SHISA9: variants seen among roughly 807,000 people sequenced by gnomAD.
The protein encoded by SHISA9 is shisa family member 9, also known as protein shisa-9.
In SHISA9, 13 loss-of-function variants were observed where a neutral mutation model predicts 38.0. The ratio of observed to expected loss-of-function variants is 0.34; its 90% CI spans 0.22 to 0.54. SHISA9 has a LOEUF of 0.54. Among genes scored for constraint, SHISA9 ranks in the 20% least tolerant of loss-of-function variants. The pLI, the probability that SHISA9 is intolerant of heterozygous loss-of-function variation, is 0.91. For synonymous variants in SHISA9, 275 were observed against 242.0 expected (o/e 1.14, Z -1.27); for missense variants, 538 against 575.8 (o/e 0.93, Z 0.67).
chr16:13,288,335 A>G, the SHISA9 span, among the ~76,000 whole-genome samples: 2 of 152,124 alleles, frequency 1.3e-5, no homozygotes, highest in Non-Finnish European at 2.9e-5. Context: ...GAGTGCTTGC[A>G]TGGTCAGGTT....
At chr16:13,432,103 C>A in the SHISA9 span, among the ~76,000 whole-genome samples, 1 of 152,172 alleles carries the variant, frequency 6.6e-6, no homozygotes, top group African/African-American at 2.4e-5. Flanking sequence ...AAAATAACCT[C>A]TCTTCATGTC....
chr16:13,513,985 A>G, the SHISA9 span, among the ~76,000 whole-genome samples: 2 of 146,084 alleles, frequency 1.4e-5, no homozygotes, highest in African/African-American at 5.0e-5. Flanking sequence ...ACCAGAATGT[A>G]AAGTAAAATA....
chr16:13,256,988 A>T, the SHISA9 span, among the ~76,000 whole-genome samples: 37 of 152,322 alleles, frequency 2.4e-4, no homozygotes, highest in Non-Finnish European at 5.1e-4. Flanking sequence ...ATGTTCATCT[A>T]TGCCAACCTC....
At chr16:13,542,867 T>C in the SHISA9 span, among the ~76,000 whole-genome samples, 17,117 of 152,246 alleles carry the variant, frequency 0.11, 1,068 homozygotes, top group Non-Finnish European at 0.15. Context: ...TTTCTGTCTC[T>C]TTCATCCCAC....
the SHISA9 span, among the ~76,000 whole-genome samples, chr16:13,266,228 T>C: frequency 6.6e-6 from 1 of 152,240 alleles, no homozygotes; most frequent in African/African-American, 2.4e-5. Context: ...TTTTAATGGT[T>C]AGCTGTTTCT....
At chr16:13,160,381 G>A (rs776079270) in intron 2 of SHISA9, among the ~76,000 whole-genome samples, 9 of 152,280 alleles carry the variant, frequency 5.9e-5, no homozygotes, top group Non-Finnish European at 1.0e-4. Context: ...CTGCTATTGT[G>A]TCTAGTATAT....
chr16:13,517,855 G>C, the SHISA9 span, among the ~76,000 whole-genome samples: 26 of 152,344 alleles, frequency 1.7e-4, no homozygotes, highest in Middle Eastern at 3.4e-3. Context: ...CTAATGGAAG[G>C]TTAGTGAGTG....
At chr16:13,055,710 C>T (rs779581191) in intron 2 of SHISA9, among the ~76,000 whole-genome samples, 1 of 152,210 alleles carries the variant, frequency 6.6e-6, no homozygotes, top group Non-Finnish European at 1.5e-5. Flanking sequence ...AGGCTGTGTG[C>T]CACCCAGGGA....
the SHISA9 span, among the ~76,000 whole-genome samples, chr16:13,264,380 C>G: frequency 6.6e-6 from 1 of 151,944 alleles, no homozygotes; most frequent in Non-Finnish European, 1.5e-5. Flanking sequence ...ACCATGTTGG[C>G]CAGTCTGGTC....
chr16:13,277,344 A>G, the SHISA9 span, among the ~76,000 whole-genome samples: 2 of 152,106 alleles, frequency 1.3e-5, no homozygotes, highest in African/African-American at 2.4e-5. Flanking sequence ...GAAATCAGGT[A>G]GTGTGATGCC....
the SHISA9 span, among the ~76,000 whole-genome samples, chr16:13,544,447 T>TCC: frequency 6.9e-6 from 1 of 144,212 alleles, no homozygotes; most frequent in Non-Finnish European, 1.5e-5. Flanking sequence ...TTTTTTTTTT[T>TCC]CCCCGCTGGA....
intron 2 of SHISA9, among the ~76,000 whole-genome samples, chr16:12,918,697 T>A (rs1355290736): frequency 6.6e-6 from 1 of 152,190 alleles, no homozygotes; most frequent in Non-Finnish European, 1.5e-5. Flanking sequence ...TCAGTGATCT[T>A]TTACATCAAG....
the SHISA9 span, among the ~76,000 whole-genome samples, chr16:13,533,192 CT>C: frequency 2.0e-5 from 3 of 152,186 alleles, no homozygotes; most frequent in Non-Finnish European, 4.4e-5. Context: ...CTCTTACTTT[CT>C]TCCCCACACA....
chr16:13,044,698 A>T (rs2073167431), intron 2 of SHISA9, among the ~76,000 whole-genome samples: 1 of 152,178 alleles, frequency 6.6e-6, no homozygotes, highest in South Asian at 2.1e-4. Context: ...CTCCGAGGTG[A>T]GAGGGCATCT....
chr16:13,163,201 A>G (rs1224611978), intron 2 of SHISA9, among the ~76,000 whole-genome samples: 2 of 152,198 alleles, frequency 1.3e-5, no homozygotes. Context: ...AAATGAGAAA[A>G]TGTATTTGAA....
intron 2 of SHISA9, among the ~76,000 whole-genome samples, chr16:12,944,819 A>G (rs1174799659): frequency 6.6e-6 from 1 of 152,164 alleles, no homozygotes; most frequent in African/African-American, 2.4e-5. Context: ...CTTTCCTACA[A>G]GCAGATGCTG....
At chr16:13,129,387 C>T (rs932228610) in intron 2 of SHISA9, among the ~76,000 whole-genome samples, 1 of 152,200 alleles carries the variant, frequency 6.6e-6, no homozygotes, top group Admixed American at 6.5e-5. Flanking sequence ...TGGAGTCCTC[C>T]TCTAGGTCCT....
chr16:13,503,218 G>A, the SHISA9 span, among the ~76,000 whole-genome samples: 2 of 152,296 alleles, frequency 1.3e-5, no homozygotes, highest in East Asian at 3.9e-4. Context: ...TTTGCTGGGA[G>A]CATAGTGAGT....
At chr16:13,186,288 C>CTTTTTT (rs113608898) in intron 2 of SHISA9, among the ~76,000 whole-genome samples, 3 of 104,272 alleles carry the variant, frequency 2.9e-5, no homozygotes, top group Non-Finnish European at 3.7e-5. Flanking sequence ...CCATCTTAAC[C>CTTTTTT]TTTTTTTTTT....
Sources: allele counts gnomAD v4.1 joint callset (sites outside exome capture counted in the v4.1 genomes callset), GRCh38; gene constraint gnomAD v4.1.1; transcripts MANE v1.5; gene names NCBI Gene and HGNC (gene_info 2026-07-23, HGNC 2026-07-21).